GAB3: variants seen among roughly 807,000 people sequenced by gnomAD.
GAB3 encodes the protein GRB2-associated-binding protein 3.
A neutral mutation model predicts 40.4 loss-of-function variants in GAB3; 12 were observed. The ratio of observed to expected loss-of-function variants is 0.30; its 90% CI spans 0.19 to 0.48. GAB3 has a LOEUF of 0.48. Ranked by LOEUF, GAB3 falls within the 20% of genes least tolerant of loss-of-function variation. GAB3 has a pLI of 0.99. For missense variants in GAB3, 381 were observed against 461.9 expected, an observed-to-expected ratio of 0.82 and a Z score of 1.61; for synonymous variants, 154 against 176.7, an observed-to-expected ratio of 0.87 and a Z score of 1.02.
chrX:154,730,604 G>A (rs1266205972), intron 1 of GAB3, among the ~76,000 whole-genome samples: 1 of 112,116 alleles, frequency 8.9e-6, no homozygotes, highest in Non-Finnish European at 1.9e-5. Context: ...GTTGCAAAAG[G>A]TAAGCATCAT....
At chrX:154,723,412 G>A (rs1204337607) in intron 1 of GAB3, among the ~76,000 whole-genome samples, 2 of 111,663 alleles carry the variant, frequency 1.8e-5, no homozygotes, top group Non-Finnish European at 3.8e-5. Context: ...AGGAGAGGGA[G>A]TCAGAGTATA....
chrX:154,703,098 C>T (rs2070760270), intron 4 of GAB3, among the ~76,000 whole-genome samples: 1 of 112,000 alleles, frequency 8.9e-6, no homozygotes, highest in African/African-American at 3.2e-5. Flanking sequence ...GTGGTGATTC[C>T]TCAAAGACCT....
At chrX:154,699,920 T>C in intron 5 of GAB3, 84 bp downstream of exon 5, 1 of 784,232 alleles carries the variant, frequency 1.3e-6, no homozygotes, top group South Asian at 2.1e-5. Flanking sequence ...GAGTGCTGAA[T>C]CTTAAAGATT....
intron 4 of GAB3, among the ~76,000 whole-genome samples, chrX:154,710,754 C>T (rs1055758918): frequency 8.9e-6 from 1 of 112,293 alleles, no homozygotes; most frequent in African/African-American, 3.2e-5. Context: ...TGGTCAAAAC[C>T]TCTATTTTAC....
At chrX:154,697,086 CG>C (rs1569557345) in intron 7 of GAB3, 45 bp downstream of exon 7, 1 of 1,041,585 alleles carries the variant, frequency 9.6e-7, no homozygotes, top group African/African-American at 1.8e-5. Flanking sequence ...TAACACACAC[CG>C]GGGTGTCTGT....
At chrX:154,720,461 A>C (rs1282192257) in intron 1 of GAB3, among the ~76,000 whole-genome samples, 6 of 109,983 alleles carry the variant, frequency 5.5e-5, no homozygotes, top group Non-Finnish European at 7.6e-5. Context: ...CCCGTCTCTA[A>C]TAAAAATACA....
intron 1 of GAB3, among the ~76,000 whole-genome samples, chrX:154,722,267 A>T (rs1848764): frequency 0.061 from 6,682 of 108,961 alleles, 540 homozygotes; most frequent in African/African-American, 0.21. Context: ...TAAATATATA[A>T]AAAAAAAACT....
intron 1 of GAB3, among the ~76,000 whole-genome samples, chrX:154,736,896 T>C (rs782218867): frequency 1.8e-5 from 2 of 112,551 alleles, no homozygotes; most frequent in Non-Finnish European, 3.8e-5. Context: ...GGAAAATTGT[T>C]GACTTCGAGT....
chrX:154,702,894 C>CA (rs1471723330), intron 4 of GAB3, among the ~76,000 whole-genome samples: 1 of 111,617 alleles, frequency 9.0e-6, no homozygotes, highest in Non-Finnish European at 1.9e-5. Flanking sequence ...AACAAGGATA[C>CA]AAAAAAGCTC....
chrX:154,678,985 C>T (rs1027911884), intron 9 of GAB3: 7 of 250,562 alleles, frequency 2.8e-5, no homozygotes, highest in Non-Finnish European at 5.2e-5. Flanking sequence ...AGATCAAGAT[C>T]ATTTTTTATT....
intron 8 of GAB3, among the ~76,000 whole-genome samples, chrX:154,685,954 C>T (rs2148414602): frequency 9.0e-6 from 1 of 111,456 alleles, no homozygotes; most frequent in South Asian, 3.7e-4. Flanking sequence ...CTAGAAAACT[C>T]CTAGGAAATA....
chrX:154,723,099 C>T (rs1354179359), intron 1 of GAB3, among the ~76,000 whole-genome samples: 1 of 111,211 alleles, frequency 9.0e-6, no homozygotes, highest in Non-Finnish European at 1.9e-5. Flanking sequence ...AGGCTGGTCT[C>T]GAACTCCTGA....
At chrX:154,724,342 TTAAATAAA>T (rs782217148) in intron 1 of GAB3, among the ~76,000 whole-genome samples, 2,423 of 104,779 alleles carry the variant, frequency 0.023, 82 homozygotes, top group African/African-American at 0.071. Flanking sequence ...AGACTTCATC[TTAAATAAA>T]TAAATAAATA....
rs1557262259 is a variant in GAB3 at position 154,747,930 on chromosome X, C to G, written c.72+3024G>C. On this transcript the variant is annotated intron_variant, in intron 1 of 9. Transcript: ENST00000424127. ...GCAAATTAAATATGCAACAAAGAAC[C>G]TATATCCAGAGAACCTATATCCAGG... is the stretch of plus-strand genomic sequence containing the variant. 5.4e-5 allele frequency among the ~76,000 whole-genome samples: 6 copies of G among 112,037 alleles called. 1 individual carries two copies.
At chrX:154,701,559 C>A (rs2070740047) in intron 4 of GAB3, among the ~76,000 whole-genome samples, 1 of 111,905 alleles carries the variant, frequency 8.9e-6, no homozygotes, top group Admixed American at 9.4e-5. Flanking sequence ...CTCCCCATGG[C>A]CTGGGGTGGT....
At chrX:154,707,096 G>A (rs1368051146) in intron 4 of GAB3, among the ~76,000 whole-genome samples, 1 of 111,373 alleles carries the variant, frequency 9.0e-6, no homozygotes, top group Non-Finnish European at 1.9e-5. Context: ...TATGACGTCA[G>A]CATAACATTT....
chrX:154,717,119 T>A (rs1557257795), intron 1 of GAB3, among the ~76,000 whole-genome samples: 2 of 111,609 alleles, frequency 1.8e-5, no homozygotes, highest in Non-Finnish European at 3.8e-5. Context: ...TAGGAATGAA[T>A]TTGAACTCAG....
chrX:154,687,402 CG>C (rs1262000543), intron 8 of GAB3, among the ~76,000 whole-genome samples: 2 of 109,604 alleles, frequency 1.8e-5, no homozygotes, highest in East Asian at 2.9e-4. Context: ...GAGGCTGAGG[CG>C]GGCGGATCAC....
chrX:154,733,298 G>A (rs1172953281), intron 1 of GAB3, among the ~76,000 whole-genome samples: 1 of 112,299 alleles, frequency 8.9e-6, no homozygotes, highest in Non-Finnish European at 1.9e-5. Flanking sequence ...TTTGTGAACT[G>A]CTGTGAACTG....
Sources: allele counts gnomAD v4.1 joint callset (sites outside exome capture counted in the v4.1 genomes callset), GRCh38; gene constraint gnomAD v4.1.1; transcripts MANE v1.5; gene names NCBI Gene and HGNC (gene_info 2026-07-23, HGNC 2026-07-21).